CPNE8: variants seen among roughly 807,000 people sequenced by gnomAD.
CPNE8 encodes copine-8.
In CPNE8, 45 loss-of-function variants were observed where a neutral mutation model predicts 81.5. The observed-to-expected ratio is 0.55, with a 90% CI of 0.44 to 0.71. The LOEUF (loss-of-function observed/expected upper bound fraction) is 0.71, where lower values mean the gene tolerates loss of function less well. CPNE8 is among the 30% of genes least tolerant of loss of function. The pLI is 0.00. For missense variants in CPNE8, 594 were observed against 672.1 expected, an observed-to-expected ratio of 0.88 and a Z score of 1.28; for synonymous variants, 252 against 226.3, an observed-to-expected ratio of 1.11 and a Z score of -1.02.
In CPNE8 at chr12:38,873,052, T is replaced by A; in HGVS notation, c.140-2A>T. 1 of 1,530,272 alleles carries A rather than the reference T, an allele frequency of 6.5e-7. No homozygotes were observed. 94.8% of individuals were successfully genotyped at this position (1,530,272 alleles called of 1,614,324 possible). A position where few individuals can be genotyped will look rare whatever the true frequency, so the allele number is the denominator to read the frequency against. ...CTCCTTGTACATATAAGACACAAAC[T>A]ACAAAAGATGAAAAAATACGCACAT... On this transcript the variant is annotated splice_acceptor_variant, in intron 2 of 19. Transcript: ENST00000331366. LOFTEE classifies it high-confidence loss of function.
chr12:38,739,949 T>C (rs535968253), intron 10 of CPNE8, among the ~76,000 whole-genome samples: 3 of 152,280 alleles, frequency 2.0e-5, no homozygotes, highest in African/African-American at 7.2e-5. Flanking sequence ...ACATATGTAA[T>C]ATCTTATTCT....
intron 10 of CPNE8, 131 bp downstream of exon 10, chr12:38,760,716 C>T: frequency 1.4e-6 from 1 of 710,974 alleles, no homozygotes; most frequent in Non-Finnish European, 2.5e-6. Context: ...CATGTAAATG[C>T]ATCAGTAACA....
At chr12:38,714,604 C>T (rs1940342166) in intron 13 of CPNE8, among the ~76,000 whole-genome samples, 1 of 151,416 alleles carries the variant, frequency 6.6e-6, no homozygotes, top group East Asian at 1.9e-4. Flanking sequence ...GTATCTCATA[C>T]TCCAGAAAAA....
At chr12:38,707,015 AAAG>A (rs1425798987) in intron 13 of CPNE8, among the ~76,000 whole-genome samples, 4 of 152,176 alleles carry the variant, frequency 2.6e-5, no homozygotes, top group African/African-American at 9.7e-5. Context: ...TAAGAGTTAA[AAAG>A]AAGAAGAGAG....
intron 10 of CPNE8, among the ~76,000 whole-genome samples, chr12:38,740,155 A>T (rs938367345): frequency 6.6e-6 from 1 of 152,130 alleles, no homozygotes; most frequent in African/African-American, 2.4e-5. Flanking sequence ...ATTCTCTTAG[A>T]AGCAATTGTG....
chr12:38,776,768 C>G (rs1254801437), intron 6 of CPNE8, among the ~76,000 whole-genome samples: 1 of 151,990 alleles, frequency 6.6e-6, no homozygotes, highest in African/African-American at 2.4e-5. Flanking sequence ...ATTGCATATA[C>G]ATTGGTGGCC....
chr12:38,699,952 T>G (rs1304881323), intron 14 of CPNE8, among the ~76,000 whole-genome samples: 1 of 152,196 alleles, frequency 6.6e-6, no homozygotes, highest in African/African-American at 2.4e-5. Context: ...TTATTGGTTA[T>G]AGTAGATTTT....
At chr12:38,865,718 T>C (rs1034251945) in intron 3 of CPNE8, among the ~76,000 whole-genome samples, 1 of 152,168 alleles carries the variant, frequency 6.6e-6, no homozygotes, top group Non-Finnish European at 1.5e-5. Context: ...GCTGTATAAT[T>C]TGTGCCCTTC....
At chr12:38,847,670 C>G (rs997973951) in intron 4 of CPNE8, among the ~76,000 whole-genome samples, 1 of 152,018 alleles carries the variant, frequency 6.6e-6, no homozygotes, top group Non-Finnish European at 1.5e-5. Context: ...GTTATTTTAC[C>G]ATGCATATTT....
intron 3 of CPNE8, among the ~76,000 whole-genome samples, chr12:38,861,860 G>C (rs1020606756): frequency 2.4e-4 from 37 of 152,008 alleles, no homozygotes; most frequent in African/African-American, 8.9e-4. Context: ...GACATATAGA[G>C]TAGTGGTGAG....
At chr12:38,672,338 A>C (rs1939193493) in intron 18 of CPNE8, among the ~76,000 whole-genome samples, 2 of 152,246 alleles carry the variant, frequency 1.3e-5, no homozygotes, top group Non-Finnish European at 2.9e-5. Flanking sequence ...AATATCTCCC[A>C]CTTTTCAGCA....
At chr12:38,763,992 G>T (rs1447362717) in intron 8 of CPNE8, among the ~76,000 whole-genome samples, 1 of 152,048 alleles carries the variant, frequency 6.6e-6, no homozygotes, top group African/African-American at 2.4e-5. Flanking sequence ...AAAGGATCAA[G>T]TTTTTATTAC....
At chr12:38,855,885 A>T (rs1943724480) in intron 3 of CPNE8, among the ~76,000 whole-genome samples, 1 of 152,098 alleles carries the variant, frequency 6.6e-6, no homozygotes, top group South Asian at 2.1e-4. Flanking sequence ...AACCTCTAAA[A>T]TTCAATGAAA....
intron 6 of CPNE8, among the ~76,000 whole-genome samples, chr12:38,786,061 CAAT>C (rs1942178930): frequency 6.6e-6 from 1 of 151,988 alleles, no homozygotes; most frequent in South Asian, 2.1e-4. Context: ...CCTTACTTAT[CAAT>C]AATAACACTA....
chr12:38,834,787 A>G lies in CPNE8; in HGVS notation c.330+5129T>C, dbSNP rs115524296. On this transcript the variant is annotated intron_variant, in intron 5 of 19. Coordinates refer to ENST00000331366, the MANE Select transcript of CPNE8 (RefSeq NM_153634.3). ...CAAATCTCTCCATCATCTGATTCCT[A>G]TGTATGTTTCCGAACTATTTCAGTA... Among the ~76,000 whole-genome samples, 1,036 of 152,106 alleles carry G rather than the reference A, an allele frequency of 6.8e-3. 18 individuals carry two copies. The highest frequency in any genetic ancestry group is 0.023 in the African/African-American group (945 of 41,486).
intron 13 of CPNE8, among the ~76,000 whole-genome samples, chr12:38,710,599 C>T (rs971846280): frequency 7.2e-5 from 11 of 152,186 alleles, no homozygotes. Context: ...GGACAAATTT[C>T]GTGAGCAACC....
intron 1 of CPNE8, among the ~76,000 whole-genome samples, chr12:38,902,421 G>GAAAGAAAGAAAGAAAGAAAGAA (rs1944503500): frequency 1.8e-5 from 2 of 109,420 alleles, no homozygotes; most frequent in African/African-American, 5.7e-5. Flanking sequence ...GAAAGAAAAA[G>GAAAGAAAGAAAGAAAGAAAGAA]AAAGAAAGAA....
In CPNE8 at chr12:38,782,843, G is replaced by T. The variant is rs1303074113; in HGVS notation, c.408-6542C>A. Among the ~76,000 whole-genome samples, 2 of 151,846 alleles carry T rather than the reference G, an allele frequency of 1.3e-5. 1 individual carries two copies. The highest frequency in any genetic ancestry group is 1.3e-4 in the Admixed American group (2 of 15,220). ...ATACACATATGTGCCACCATGCTCA[G>T]CTAACGTTTTTTCATTTTTTTAGAC... On this transcript the variant is annotated intron_variant, in intron 6 of 19. Coordinates refer to ENST00000331366, the MANE Select transcript of CPNE8 (RefSeq NM_153634.3).
At chr12:38,900,119 C>A (rs568996798) in intron 1 of CPNE8, among the ~76,000 whole-genome samples, 1 of 151,158 alleles carries the variant, frequency 6.6e-6, no homozygotes, top group African/African-American at 2.4e-5. Flanking sequence ...AATTTCTGTT[C>A]CCAAACCCAT....
Sources: gnomAD v4.1 joint callset for allele counts (sites outside exome capture counted in the v4.1 genomes callset) on GRCh38, gnomAD v4.1.1 for gene constraint, MANE v1.5 for transcripts, NCBI Gene and HGNC (gene_info 2026-07-23, HGNC 2026-07-21) for gene names.